The following NPIPB2 variants were observed in gnomAD, a reference collection of about 807,000 sequenced individuals.
The protein encoded by NPIPB2 is nuclear pore complex-interacting protein family member B2.
NPIPB2 carries 27 observed loss-of-function variants against 30.8 expected under a neutral mutation model. The ratio of observed to expected loss-of-function variants is 0.88; its 90% confidence interval spans 0.65 to 1.21. The LOEUF is 1.21. NPIPB2 is among the 50% of genes most tolerant of loss of function. The pLI is 0.00. For missense variants in NPIPB2, 440 were observed against 446.2 expected (o/e 0.99, Z 0.13); for synonymous variants, 147 against 162.0 (o/e 0.91, Z 0.70).
At chr16:11,975,750 C>G (rs995760796) in intron 1 of NPIPB2, among the ~76,000 whole-genome samples, 4 of 151,996 alleles carry the variant, frequency 2.6e-5, no homozygotes, top group Non-Finnish European at 5.9e-5. Flanking sequence ...GCCACCATGC[C>G]TGGCTAATTT....
chr16:11,965,008 G>C, intron 1 of NPIPB2: 1 of 396,982 alleles, frequency 2.5e-6, no homozygotes. Flanking sequence ...TCTGCATCTT[G>C]CAACTGTCAC....
intron 1 of NPIPB2, among the ~76,000 whole-genome samples, chr16:11,947,324 A>ATTTT (rs1277451001): frequency 2.4e-5 from 3 of 125,776 alleles, no homozygotes; most frequent in African/African-American, 3.3e-5. Context: ...TTATTTATTT[A>ATTTT]TATATATATA....
chr16:11,974,674 A>G (rs1239747800), intron 1 of NPIPB2, among the ~76,000 whole-genome samples: 1 of 152,208 alleles, frequency 6.6e-6, no homozygotes, highest in Non-Finnish European at 1.5e-5. Flanking sequence ...GTACAAGGTT[A>G]TGATATAAAA....
At chr16:11,937,817 G>T (rs2054888474) in intron 1 of NPIPB2, 149 bp from the exon 2 acceptor site, 2 of 1,437,974 alleles carry the variant, frequency 1.4e-6, no homozygotes, top group African/African-American at 2.8e-5. Flanking sequence ...TTACAAAAAA[G>T]AACAGAAGTT....
chr16:11,933,818 G>A lies in NPIPB2; in HGVS notation c.292+7C>T, dbSNP rs749333436. On this transcript the variant is annotated splice_region_variant and intron_variant, in intron 3 of 7. Transcript: ENST00000399147. The stretch of plus-strand genomic sequence containing the variant: ...TCCACACTATGGGGACTCCAACAGA[G>A]CCATACCTTCCTGTCTACGGCGGTT... 3 of 1,589,328 alleles carry A rather than the reference G, an allele frequency of 1.9e-6. No individual in the cohort carries two copies. The highest frequency in any genetic ancestry group is 1.3e-5 in the African/African-American group (1 of 74,718).
intron 1 of NPIPB2, among the ~76,000 whole-genome samples, chr16:11,937,921 C>A (rs568291449): frequency 1.3e-5 from 2 of 152,196 alleles, no homozygotes; most frequent in East Asian, 3.9e-4. Flanking sequence ...GATATCCAAT[C>A]TTTTGACTTC....
At chr16:11,943,069 C>T (rs908238362), upstream of NPIPB2, among the ~76,000 whole-genome samples, 8 of 152,210 alleles carry the variant, frequency 5.3e-5, no homozygotes, top group African/African-American at 1.9e-4. Context: ...CGCCTGTAAT[C>T]CCAGCACTTT....
chr16:11,966,464 ACATTGT>A, intron 1 of NPIPB2: 2 of 974,642 alleles, frequency 2.1e-6, no homozygotes, highest in South Asian at 3.7e-5. Flanking sequence ...ATGTGTTAGA[ACATTGT>A]TACATTAAAT....
exon 3 of NPIPB2, chr16:11,933,877 T>A (rs772244450): frequency 6.4e-7 from 1 of 1,565,856 alleles, no homozygotes; most frequent in African/African-American, 1.3e-5. Flanking sequence ...CATCTGTGGA[T>A]ACATCATGTC....
At chr16:11,935,745 C>T (rs1030394930) in intron 2 of NPIPB2, among the ~76,000 whole-genome samples, 66 of 142,144 alleles carry the variant, frequency 4.6e-4, no homozygotes, top group Non-Finnish European at 9.2e-4. Flanking sequence ...AGAGCAACCA[C>T]GTCAATCCCA....
At chr16:11,967,547 T>C in intron 1 of NPIPB2, 1 of 1,600,844 alleles carries the variant, frequency 6.2e-7, no homozygotes, top group Non-Finnish European at 8.5e-7. Context: ...TTTGGGTTAA[T>C]GTTTCCGTTT....
At chr16:11,955,211 G>A (rs2055099799) in intron 1 of NPIPB2, among the ~76,000 whole-genome samples, 3 of 151,484 alleles carry the variant, frequency 2.0e-5, no homozygotes, top group Admixed American at 6.6e-5. Context: ...AAAATTAGCT[G>A]GCCGTCGTGG....
At chr16:11,970,737 T>C (rs1210263055) in intron 1 of NPIPB2, among the ~76,000 whole-genome samples, 2 of 151,802 alleles carry the variant, frequency 1.3e-5, no homozygotes, top group African/African-American at 2.4e-5. Context: ...GGTTTCACCT[T>C]GTTGGACACG....
At chr16:11,966,490 A>G in intron 1 of NPIPB2, 3 of 797,184 alleles carry the variant, frequency 3.8e-6, no homozygotes, top group South Asian at 4.3e-5. Context: ...TGAACTTGGT[A>G]GAGGTGAGCC....
At chr16:11,955,353 C>CA (rs34066078) in intron 1 of NPIPB2, among the ~76,000 whole-genome samples, 14,203 of 44,230 alleles carry the variant, frequency 0.32, 1,856 homozygotes, top group African/African-American at 0.42. Flanking sequence ...AACTCTGTGT[C>CA]AAAAAAAAAA....
At chr16:11,938,433 T>C (rs1160742525) in intron 1 of NPIPB2, among the ~76,000 whole-genome samples, 1 of 151,668 alleles carries the variant, frequency 6.6e-6, no homozygotes, top group Non-Finnish European at 1.5e-5. Context: ...CAGGTTCAAG[T>C]GATTCTTCTG....
At chr16:11,960,697 A>G (rs1260602445) in intron 1 of NPIPB2, among the ~76,000 whole-genome samples, 3 of 148,584 alleles carry the variant, frequency 2.0e-5, no homozygotes, top group Non-Finnish European at 4.5e-5. Context: ...CTTCCTCACC[A>G]CTCCTTAAAT....
chr16:11,954,863 A>C (rs934901115), intron 1 of NPIPB2, among the ~76,000 whole-genome samples: 1 of 150,502 alleles, frequency 6.6e-6, no homozygotes, highest in Admixed American at 6.6e-5. Flanking sequence ...AGCTGAGATC[A>C]CACCACTGCA....
intron 1 of NPIPB2, among the ~76,000 whole-genome samples, chr16:11,953,712 A>AAT (rs2055087410): frequency 1.3e-5 from 1 of 75,544 alleles, no homozygotes; most frequent in African/African-American, 4.6e-5. Context: ...ATTTACTTTA[A>AAT]TTTTTTTTTT....
Sources: gnomAD v4.1 joint callset for allele counts (sites outside exome capture counted in the v4.1 genomes callset) on GRCh38, gnomAD v4.1.1 for gene constraint, MANE v1.5 for transcripts, NCBI Gene and HGNC (gene_info 2026-07-23, HGNC 2026-07-21) for gene names.